KCNT2: variants seen among roughly 807,000 people sequenced by gnomAD.
The protein encoded by KCNT2 is potassium sodium-activated channel subfamily T member 2, also known as potassium channel subfamily T member 2.
A neutral mutation model predicts 153.8 loss-of-function variants in KCNT2; 67 were observed. The ratio of observed to expected loss-of-function variants is 0.44; its 90% CI spans 0.36 to 0.53. KCNT2 has a LOEUF of 0.53. Ranked by LOEUF, KCNT2 falls within the 20% of genes least tolerant of loss-of-function variation. The pLI is 0.00. For synonymous variants in KCNT2, 500 were observed against 458.8 expected, an observed-to-expected ratio of 1.09 and a Z score of -1.15; for missense variants, 975 against 1,354.8, an observed-to-expected ratio of 0.72 and a Z score of 4.40.
intron 5 of KCNT2, 57 bp downstream of exon 5, chr1:196,479,122 G>T: frequency 1.8e-6 from 2 of 1,104,344 alleles, no homozygotes; most frequent in Non-Finnish European, 2.7e-6. Flanking sequence ...GAGGAATACT[G>T]AGTAAATACT....
intron 27 of KCNT2, among the ~76,000 whole-genome samples, chr1:196,230,204 C>T (rs991378225): frequency 5.3e-5 from 8 of 152,050 alleles, no homozygotes; most frequent in East Asian, 1.9e-4. Context: ...CTAATGCATT[C>T]GGTGACTTTC....
chr1:196,288,861 T>C (rs1659919773), intron 22 of KCNT2, among the ~76,000 whole-genome samples: 1 of 152,060 alleles, frequency 6.6e-6, no homozygotes, highest in Admixed American at 6.6e-5. Context: ...ATACAGGCAA[T>C]ACAACATACA....
chr1:196,279,175 T>C (rs1024509817), intron 25 of KCNT2, among the ~76,000 whole-genome samples: 4 of 152,218 alleles, frequency 2.6e-5, no homozygotes, highest in Admixed American at 6.5e-5. Flanking sequence ...ATTACTTGGG[T>C]ATGAAAGCAC....
chr1:196,518,036 G>A (rs1652842011), intron 1 of KCNT2, among the ~76,000 whole-genome samples: 2 of 152,098 alleles, frequency 1.3e-5, no homozygotes, highest in African/African-American at 4.8e-5. Flanking sequence ...CACATACATA[G>A]GAAACCCCAT....
At chr1:196,540,250 C>A (rs1277426205) in intron 1 of KCNT2, among the ~76,000 whole-genome samples, 1 of 152,168 alleles carries the variant, frequency 6.6e-6, no homozygotes, top group African/African-American at 2.4e-5. Context: ...AAAATAATCT[C>A]TTAATACTGA....
At chr1:196,437,203 T>C (rs1200585763) in intron 8 of KCNT2, among the ~76,000 whole-genome samples, 1 of 109,114 alleles carries the variant, frequency 9.2e-6, no homozygotes, top group Non-Finnish European at 1.8e-5. Flanking sequence ...ATTAGGTAAC[T>C]ACCAAAACCA....
At chr1:196,363,017 C>T (rs1291892839) in intron 14 of KCNT2, among the ~76,000 whole-genome samples, 4 of 152,072 alleles carry the variant, frequency 2.6e-5, no homozygotes, top group Admixed American at 2.6e-4. Context: ...CTCAAACTTT[C>T]ACCCCTAATA....
chr1:196,393,174 C>G (rs546623910), intron 13 of KCNT2, among the ~76,000 whole-genome samples: 30 of 151,486 alleles, frequency 2.0e-4, no homozygotes, highest in South Asian at 8.3e-4. Context: ...TCATTCACTC[C>G]TTTGTTTTTA....
intron 1 of KCNT2, among the ~76,000 whole-genome samples, chr1:196,574,225 A>G (rs994070634): frequency 1.3e-5 from 2 of 152,010 alleles, no homozygotes; most frequent in African/African-American, 4.8e-5. Flanking sequence ...CTTCCTGGTA[A>G]TAAAAACCAA....
chr1:196,339,506 GAC>G (rs570211182), intron 16 of KCNT2, among the ~76,000 whole-genome samples: 19,274 of 128,458 alleles, frequency 0.15, 2,175 homozygotes, highest in African/African-American at 0.34. Flanking sequence ...GATATGAAGA[GAC>G]ACACACACAC....
chr1:196,380,208 G>T (rs558807766), intron 13 of KCNT2, among the ~76,000 whole-genome samples: 1 of 152,250 alleles, frequency 6.6e-6, no homozygotes, highest in South Asian at 2.1e-4. Flanking sequence ...CTCAACAGGT[G>T]GGAAAGAGTT....
chr1:196,383,332 T>C (rs1193255496), intron 13 of KCNT2, among the ~76,000 whole-genome samples: 1 of 152,196 alleles, frequency 6.6e-6, no homozygotes, highest in Non-Finnish European at 1.5e-5. Context: ...AGTCTATATG[T>C]TTTCCAAAGA....
chr1:196,518,823 A>C (rs1442355118), intron 1 of KCNT2, among the ~76,000 whole-genome samples: 1 of 152,140 alleles, frequency 6.6e-6, no homozygotes. Context: ...AGAAACTTAG[A>C]CTTCCACAAA....
At chr1:196,417,367 C>G (rs1672839126) in intron 12 of KCNT2, among the ~76,000 whole-genome samples, 1 of 151,970 alleles carries the variant, frequency 6.6e-6, no homozygotes, top group African/African-American at 2.4e-5. Flanking sequence ...CTAACTCACA[C>G]TTAATTAAAA....
intron 1 of KCNT2, among the ~76,000 whole-genome samples, chr1:196,497,046 C>G (rs559429093): frequency 6.6e-6 from 1 of 152,330 alleles, no homozygotes; most frequent in South Asian, 2.1e-4. Context: ...ACTACATTGA[C>G]TAGCACTTTT....
chr1:196,422,189 C>T (rs1018254589), intron 12 of KCNT2, among the ~76,000 whole-genome samples: 2 of 151,980 alleles, frequency 1.3e-5, no homozygotes, highest in African/African-American at 4.8e-5. Flanking sequence ...GAGGACAACA[C>T]AGAGCCTGCC....
intron 1 of KCNT2, among the ~76,000 whole-genome samples, chr1:196,497,584 C>A (rs1680356410): frequency 6.6e-6 from 1 of 151,972 alleles, no homozygotes; most frequent in South Asian, 2.1e-4. Context: ...AGTCCTGGAA[C>A]CAATCCCCAT....
intron 13 of KCNT2, among the ~76,000 whole-genome samples, chr1:196,387,699 T>C (rs777292366): frequency 3.3e-5 from 5 of 151,966 alleles, no homozygotes; most frequent in Non-Finnish European, 7.4e-5. Context: ...TTAATGGTCA[T>C]TGGTATATCC....
At chr1:196,230,830 T>A (rs1411725234) in intron 27 of KCNT2, among the ~76,000 whole-genome samples, 1 of 151,996 alleles carries the variant, frequency 6.6e-6, no homozygotes, top group Non-Finnish European at 1.5e-5. Context: ...CTATGAACAT[T>A]GTTGAAATGA....
Sources: allele counts gnomAD v4.1 joint callset (sites outside exome capture counted in the v4.1 genomes callset), GRCh38; gene constraint gnomAD v4.1.1; transcripts MANE v1.5; gene names NCBI Gene and HGNC (gene_info 2026-07-23, HGNC 2026-07-21).